The following FNBP1L variants were observed in gnomAD, a reference collection of about 807,000 sequenced individuals.
The protein encoded by FNBP1L is formin-binding protein 1-like.
A neutral mutation model predicts 91.2 loss-of-function variants in FNBP1L; 36 were observed. That is an observed-to-expected ratio of 0.39 (90% CI 0.30 to 0.52). The LOEUF is 0.52. FNBP1L is among the 20% of genes least tolerant of loss of function. The pLI, the probability that FNBP1L is intolerant of heterozygous loss-of-function variation, is 0.66. For synonymous variants in FNBP1L, 242 were observed against 237.0 expected (o/e 1.02, Z -0.19); for missense variants, 571 against 732.1 (o/e 0.78, Z 2.54).
intron 1 of FNBP1L, among the ~76,000 whole-genome samples, chr1:93,480,315 A>G (rs1669652766): frequency 1.3e-5 from 2 of 152,242 alleles, no homozygotes; most frequent in African/African-American, 4.8e-5. Flanking sequence ...GGACACATCA[A>G]CAATGCTGTT....
At chr1:93,450,884 A>G (rs1668471166) in intron 1 of FNBP1L, among the ~76,000 whole-genome samples, 1 of 152,236 alleles carries the variant, frequency 6.6e-6, no homozygotes, top group African/African-American at 2.4e-5. Context: ...TGAGAAAAAA[A>G]GGAATTCAAT....
intron 15 of FNBP1L, among the ~76,000 whole-genome samples, chr1:93,550,611 A>G (rs1672377365): frequency 6.6e-6 from 1 of 152,172 alleles, no homozygotes; most frequent in African/African-American, 2.4e-5. Context: ...TTTTTTAGAT[A>G]GACTACTAAA....
intron 10 of FNBP1L, among the ~76,000 whole-genome samples, chr1:93,537,639 C>G (rs984298075): frequency 6.6e-6 from 1 of 152,068 alleles, no homozygotes; most frequent in Non-Finnish European, 1.5e-5. Context: ...TTACCTAATT[C>G]TATATGTGGA....
At chr1:93,458,327 A>G (rs1668744545) in intron 1 of FNBP1L, among the ~76,000 whole-genome samples, 1 of 152,024 alleles carries the variant, frequency 6.6e-6, no homozygotes, top group Non-Finnish European at 1.5e-5. Flanking sequence ...ATGGGGTCTT[A>G]CTGTGTTGCC....
intron 2 of FNBP1L, among the ~76,000 whole-genome samples, chr1:93,516,612 G>T (rs1420733667): frequency 2.0e-5 from 3 of 152,020 alleles, no homozygotes; most frequent in African/African-American, 7.3e-5. Context: ...AGATCGGCCT[G>T]ACTGACATGG....
At chr1:93,521,010 C>T (rs1298243057) in intron 2 of FNBP1L, among the ~76,000 whole-genome samples, 2 of 152,018 alleles carry the variant, frequency 1.3e-5, no homozygotes, top group Non-Finnish European at 2.9e-5. Context: ...CCACTGCACT[C>T]CAGCCTGGGC....
chr1:93,505,204 T>G (rs1670569844), intron 2 of FNBP1L, among the ~76,000 whole-genome samples: 1 of 150,664 alleles, frequency 6.6e-6, no homozygotes, highest in South Asian at 2.1e-4. Context: ...TTCCGTCTCC[T>G]GGGTTCAAGC....
intron 1 of FNBP1L, among the ~76,000 whole-genome samples, chr1:93,450,196 C>T (rs932224332): frequency 2.0e-5 from 3 of 151,894 alleles, no homozygotes; most frequent in Non-Finnish European, 4.4e-5. Context: ...ATGGTACTAC[C>T]TAAGGAAACG....
chr1:93,530,273 T>TA, intron 6 of FNBP1L, among the ~76,000 whole-genome samples: 1 of 152,288 alleles, frequency 6.6e-6, no homozygotes, highest in East Asian at 1.9e-4. Flanking sequence ...AATCATATTA[T>TA]TATTTAGTTT....
intron 1 of FNBP1L, among the ~76,000 whole-genome samples, chr1:93,492,141 A>C (rs1670113510): frequency 6.6e-6 from 1 of 152,226 alleles, no homozygotes; most frequent in Non-Finnish European, 1.5e-5. Flanking sequence ...AATAAGAATG[A>C]CATTTAGTTT....
At chr1:93,472,811 CAAAAAAAAAAAAAAAAAAAAAAA>C (rs57548632) in intron 1 of FNBP1L, among the ~76,000 whole-genome samples, 2 of 46,860 alleles carry the variant, frequency 4.3e-5, no homozygotes, top group Admixed American at 7.8e-4. Context: ...GACTCCATCT[CAAAAAAAAAAAAAAAAAAAAAAA>C]AAAAAAAAAA....
chr1:93,451,896 C>T lies in FNBP1L; in HGVS notation c.24+3591C>T, dbSNP rs144115570. Among the ~76,000 whole-genome samples the T allele has an allele frequency of 3.8e-3, 577 of 152,236 alleles. 7 individuals carry two copies. The highest frequency in any genetic ancestry group is 0.013 in the African/African-American group (554 of 41,544). On this transcript the variant is annotated intron_variant, in intron 1 of 16. Coordinates refer to ENST00000271234, the MANE Select transcript of FNBP1L (RefSeq NM_001164473.3). Reference sequence around the variant, plus strand: ...TGAACTCCTGACATTGTGATCCGCCCGCCTCGGCCTCTCAAAGTGCTGGGT... The same window carrying T: ...TGAACTCCTGACATTGTGATCCGCCTGCCTCGGCCTCTCAAAGTGCTGGGT...
At chr1:93,506,422 A>C (rs888225158) in intron 2 of FNBP1L, among the ~76,000 whole-genome samples, 1 of 152,136 alleles carries the variant, frequency 6.6e-6, no homozygotes, top group Non-Finnish European at 1.5e-5. Flanking sequence ...ACTTTCAGAA[A>C]GGGATCTCGT....
chr1:93,549,115 A>T (rs1249148710), intron 14 of FNBP1L, among the ~76,000 whole-genome samples, 163 bp from the exon 15 acceptor site: 1 of 152,116 alleles, frequency 6.6e-6, no homozygotes, highest in African/African-American at 2.4e-5. Context: ...TTTGTATTAG[A>T]AGTAATTTGT....
At chr1:93,500,724 A>T (rs548708243) in intron 2 of FNBP1L, among the ~76,000 whole-genome samples, 1 of 152,188 alleles carries the variant, frequency 6.6e-6, no homozygotes, top group Non-Finnish European at 1.5e-5. Context: ...TGAGTGCCTC[A>T]TATATCCACA....
intron 2 of FNBP1L, among the ~76,000 whole-genome samples, chr1:93,507,522 C>T (rs1004408804): frequency 2.0e-5 from 3 of 152,162 alleles, no homozygotes; most frequent in African/African-American, 4.8e-5. Flanking sequence ...CAGGGATTTG[C>T]GGGACTTACT....
At chr1:93,524,453 A>G in intron 5 of FNBP1L, 130 bp downstream of exon 5, 1 of 616,058 alleles carries the variant, frequency 1.6e-6, no homozygotes, top group Non-Finnish European at 2.5e-6. Context: ...CATTGGTATT[A>G]TTGTATAATA....
intron 2 of FNBP1L, 146 bp from the exon 3 acceptor site, chr1:93,521,933 TATG>T (rs1360837248): frequency 2.4e-5 from 9 of 376,998 alleles, no homozygotes; most frequent in Non-Finnish European, 3.8e-5. Context: ...GATTACATAT[TATG>T]ATGCTAATGG....
intron 2 of FNBP1L, among the ~76,000 whole-genome samples, chr1:93,508,969 G>A (rs1263531834): frequency 6.6e-6 from 1 of 152,166 alleles, no homozygotes; most frequent in African/African-American, 2.4e-5. Context: ...CAATTTAACA[G>A]CTTCAGCAGA....
Sources: gnomAD v4.1 joint callset for allele counts (sites outside exome capture counted in the v4.1 genomes callset) on GRCh38, gnomAD v4.1.1 for gene constraint, MANE v1.5 for transcripts, NCBI Gene and HGNC (gene_info 2026-07-23, HGNC 2026-07-21) for gene names.